The following MACC1 variants were observed in gnomAD, a reference collection of about 807,000 sequenced individuals.
MACC1 encodes the protein MET transcriptional regulator MACC1, also known as metastasis-associated in colon cancer protein 1.
In MACC1, 79 loss-of-function variants were observed where a neutral mutation model predicts 70.7. That is an observed-to-expected ratio of 1.12 (90% CI 0.93 to 1.35). MACC1 has a LOEUF of 1.35. Among genes scored for constraint, MACC1 ranks in the 40% most tolerant of loss-of-function variants. The probability of loss-of-function intolerance (pLI) is 0.00; values close to 1 mark genes in which losing one functional copy is unlikely to be tolerated. For synonymous variants in MACC1, 361 were observed against 347.2 expected (o/e 1.04, Z -0.44); for missense variants, 1,106 against 978.1 (o/e 1.13, Z -1.74).
intron 1 of MACC1, among the ~76,000 whole-genome samples, chr7:20,191,109 G>A (rs984848629): frequency 2.0e-5 from 3 of 152,118 alleles, no homozygotes; most frequent in African/African-American, 4.8e-5. Flanking sequence ...CTATCACTCC[G>A]AGTCCAGTAA....
At chr7:20,198,496 A>G (rs1239726054) in intron 1 of MACC1, 3 of 152,266 alleles carry the variant, frequency 2.0e-5, no homozygotes, top group Non-Finnish European at 4.4e-5. Context: ...AAGGGGATCA[A>G]TTGGCCAATG....
chr7:20,167,715 G>A lies in MACC1; in HGVS notation c.-153+2999C>T, dbSNP rs538238615. ...ACTACACCCTGACCCTGTTGCTGGA[G>A]AGTAGTATCAAGCCACAGTGTTGAC... is the stretch of plus-strand genomic sequence containing the variant. On this transcript the variant is annotated intron_variant, in intron 2 of 6. Coordinates refer to ENST00000400331, the MANE Select transcript of MACC1 (RefSeq NM_182762.4). Among the ~76,000 whole-genome samples, 30 of 152,052 alleles carry A rather than the reference G, an allele frequency of 2.0e-4. No individual in the cohort carries two copies. In the South Asian group the frequency reaches 6.1e-3, roughly 31 times the overall value.
intron 5 of MACC1, among the ~76,000 whole-genome samples, chr7:20,154,834 A>G (rs759909330): frequency 1.3e-5 from 2 of 152,110 alleles, no homozygotes; most frequent in Non-Finnish European, 2.9e-5. Context: ...TGAACTGGTG[A>G]TGGTAAATAT....
rs568242777 is a variant in MACC1, at chr7:20,152,893, C to A, written c.2346+1300G>T. 8.5e-5 allele frequency among the ~76,000 whole-genome samples: 13 copies of A among 152,308 alleles called. No individual in the cohort carries two copies. The South Asian group carries it at 2.7e-3, about 32-fold the overall frequency. On this transcript the variant is annotated intron_variant, in intron 6 of 6. Transcript: ENST00000400331. ...AAAGGTCCTGCTTTCAATTAGACAA[C>A]TTTTTCATCAGTTAACTGAAATGTC...
intron 1 of MACC1, among the ~76,000 whole-genome samples, chr7:20,194,698 G>A (rs371998151): frequency 1.1e-4 from 17 of 152,150 alleles, no homozygotes; most frequent in African/African-American, 4.1e-4. Flanking sequence ...TTTCAACTAC[G>A]TCTTGGTAAT....
chr7:20,188,858 C>T (rs1782628771), intron 1 of MACC1, among the ~76,000 whole-genome samples: 1 of 152,204 alleles, frequency 6.6e-6, no homozygotes, highest in African/African-American at 2.4e-5. Flanking sequence ...TATGACTTGT[C>T]TGTTCAAAAT....
intron 2 of MACC1, among the ~76,000 whole-genome samples, chr7:20,165,545 A>AG (rs1562588459): frequency 6.6e-6 from 1 of 151,724 alleles, no homozygotes; most frequent in Admixed American, 6.6e-5. Flanking sequence ...GGGAAAAAAA[A>AG]AAATCCTCGA....
chr7:20,157,824 T>C (rs185880920), intron 5 of MACC1, among the ~76,000 whole-genome samples: 104 of 150,002 alleles, frequency 6.9e-4, no homozygotes, highest in African/African-American at 2.5e-3. Context: ...CACTGAAAAG[T>C]AGATCCCTAA....
At chr7:20,207,735 A>G (rs1317310733) in intron 1 of MACC1, among the ~76,000 whole-genome samples, 1 of 152,246 alleles carries the variant, frequency 6.6e-6, no homozygotes, top group Non-Finnish European at 1.5e-5. Context: ...ATACACAAAG[A>G]TATCAAAATT....
chr7:20,196,573 G>A (rs1313007541), intron 1 of MACC1, among the ~76,000 whole-genome samples: 1 of 151,968 alleles, frequency 6.6e-6, no homozygotes, highest in Non-Finnish European at 1.5e-5. Flanking sequence ...AATGGGCCGG[G>A]TGCGGCCGGC....
chr7:20,208,420 G>C (rs2128109157), intron 1 of MACC1, among the ~76,000 whole-genome samples: 1 of 152,316 alleles, frequency 6.6e-6, no homozygotes, highest in East Asian at 1.9e-4. Flanking sequence ...AGTTGAAGCT[G>C]AGGTGGTCTC....
intron 1 of MACC1, among the ~76,000 whole-genome samples, chr7:20,182,373 G>A (rs1194446173): frequency 1.3e-5 from 2 of 152,102 alleles, no homozygotes; most frequent in Non-Finnish European, 2.9e-5. Context: ...AAATCAATTT[G>A]ATAATATGGA....
chr7:20,171,152 T>C (rs1347853518), intron 1 of MACC1, among the ~76,000 whole-genome samples: 3 of 152,174 alleles, frequency 2.0e-5, no homozygotes, highest in Admixed American at 2.0e-4. Flanking sequence ...AAGATGGATA[T>C]TGATATAGAC....
At chr7:20,144,555 T>A (rs1169446581) in intron 6 of MACC1, among the ~76,000 whole-genome samples, 1 of 152,168 alleles carries the variant, frequency 6.6e-6, no homozygotes, top group Non-Finnish European at 1.5e-5. Flanking sequence ...AATTTTGTGT[T>A]CAAAATACCT....
At chr7:20,185,733 C>A (rs889799012) in intron 1 of MACC1, among the ~76,000 whole-genome samples, 9 of 152,308 alleles carry the variant, frequency 5.9e-5, no homozygotes, top group Admixed American at 5.2e-4. Flanking sequence ...CAGAAACTTA[C>A]AATAGCTAGC....
In MACC1 at chr7:20,136,122, G is replaced by A. The variant is rs989421041; in HGVS notation, c.*4824C>T. 1 of 152,172 alleles carries A rather than the reference G, an allele frequency of 6.6e-6. No individual in the cohort carries two copies. The highest frequency in any genetic ancestry group is 2.4e-5 in the African/African-American group (1 of 41,448). The allele number at this position is 152,172 out of a possible 1,614,324, so 9.4% of individuals were successfully genotyped here. On this transcript the variant is annotated 3_prime_UTR_variant, in exon 7 of 7. Transcript: ENST00000400331. ...CAAGGGGAACACTAGAGGTCATTTG[G>A]TTCAAGTTCCTTGTTTTACTGGTGA...
At chr7:20,216,233 A>G (rs1329129834) in intron 1 of MACC1, among the ~76,000 whole-genome samples, 1 of 152,134 alleles carries the variant, frequency 6.6e-6, no homozygotes, top group Non-Finnish European at 1.5e-5. Flanking sequence ...TAGACTTAAG[A>G]CATTTTTAGG....
Position 20,140,715 on chromosome 7 carries a change from G to A in MACC1, c.*231C>T, listed in dbSNP as rs942346282. 1.2e-5 allele frequency: 5 copies of A among 402,332 alleles called. No homozygotes were observed. Among genetic ancestry groups the A allele is most frequent in the African/African-American group, 1.0e-4 (5 of 48,134 alleles). 24.9% of individuals were successfully genotyped at this position (402,332 alleles called of 1,614,324 possible). A position where few individuals can be genotyped will look rare whatever the true frequency, so the allele number is the denominator to read the frequency against. On this transcript the variant is annotated 3_prime_UTR_variant, in exon 7 of 7. Transcript: ENST00000400331. Reference sequence around the variant, plus strand: ...AGGATAAAACCCATCTTGGTTATCAGTTAGGCTGTGCTTTCATCAGGAAAA... The same window carrying A: ...AGGATAAAACCCATCTTGGTTATCAATTAGGCTGTGCTTTCATCAGGAAAA...
At chr7:20,186,908 G>T (rs192443014) in intron 1 of MACC1, among the ~76,000 whole-genome samples, 2 of 152,232 alleles carry the variant, frequency 1.3e-5, no homozygotes, top group African/African-American at 4.8e-5. Flanking sequence ...GGAGAGTATA[G>T]TAAGAAGAAA....
Sources: allele counts gnomAD v4.1 joint callset (sites outside exome capture counted in the v4.1 genomes callset), GRCh38; gene constraint gnomAD v4.1.1; transcripts MANE v1.5; gene names NCBI Gene and HGNC (gene_info 2026-07-23, HGNC 2026-07-21).